ZNF763: variants seen among roughly 807,000 people sequenced by gnomAD.
ZNF763 encodes the protein DNA-binding protein.
Under a neutral mutation model 38.0 loss-of-function variants are expected in ZNF763, and 33 were observed. The observed-to-expected ratio is 0.87, with a 90% CI of 0.66 to 1.16. The LOEUF (loss-of-function observed/expected upper bound fraction) is 1.16, where lower values mean the gene tolerates loss of function less well. Ranked by LOEUF, ZNF763 falls within the 50% of genes most tolerant of loss-of-function variation. ZNF763 has a pLI of 0.00. For synonymous variants in ZNF763, 155 were observed against 160.1 expected, an observed-to-expected ratio of 0.97 and a Z score of 0.24; for missense variants, 423 against 469.1, an observed-to-expected ratio of 0.90 and a Z score of 0.91.
chr19:11,979,100 G>A lies in ZNF763; in HGVS notation c.1176G>A (p.Lys392=), dbSNP rs368604449. The change falls in exon 4 of 4, where the codon AAG becomes AAA. Residue 392 remains lysine (K), a synonymous_variant. Transcript: ENST00000358987. ...SNTPKNALWR[K]TL ...CACCTAAGAATGCGCTCTGGAGAAAGACCTTATAAATGTTAGATATGTGGG... is the reference window on the plus strand; with the variant it reads ...CACCTAAGAATGCGCTCTGGAGAAAAACCTTATAAATGTTAGATATGTGGG... 3 of 1,613,818 alleles carry A rather than the reference G, an allele frequency of 1.9e-6. No homozygotes were observed. The South Asian group carries it at 3.3e-5, about 18-fold the overall frequency.
intron 1 of ZNF763, among the ~76,000 whole-genome samples, chr19:11,974,093 C>T (rs1973413080): frequency 1.1e-5 from 1 of 89,046 alleles, no homozygotes; most frequent in East Asian, 2.8e-4. Flanking sequence ...TTCTTTCTTT[C>T]TTTCTTTCTT....
Position 11,978,787 on chromosome 19 carries a change from A to G in ZNF763, c.863A>G (p.Gln288Arg). 1 of 1,614,156 alleles carries G rather than the reference A, an allele frequency of 6.2e-7. No individual in the cohort carries two copies. Among genetic ancestry groups the G allele is most frequent in the Non-Finnish European group, 8.5e-7 (1 of 1,180,010 alleles). ...GGGGGAAAGCCATATGAATGTAAAC[A>G]ATGTGGCAAATCCTTCAGTTGGTGT... ...HTGGKPYECK[Q>R]CGKSFSWCHS... is the part of the protein sequence containing the mutation. The change falls in exon 4 of 4, where the codon CAA (glutamine) becomes CGA (arginine). Residue 288 changes from glutamine (Q) to arginine (R), a missense_variant. By Grantham distance (43) the Gln-to-Arg change is conservative. Coordinates refer to ENST00000358987, the MANE Select transcript of ZNF763 (RefSeq NM_001367172.2).
At position 11,979,717 on chromosome 19, in the gene ZNF763, T is replaced by C; in HGVS notation, c.*608T>C. 1.9e-6 allele frequency: 3 copies of C among 1,597,694 alleles called. No homozygotes were observed. In the South Asian group the frequency reaches 3.3e-5, roughly 18 times the overall value. ...ACCCTGAAGAGAAGCCCTACGAGTG[T>C]AAGCAATGTGGGAAAGCCTTCAGAT... On this transcript the variant is annotated 3_prime_UTR_variant, in exon 4 of 4. Coordinates refer to ENST00000358987, the MANE Select transcript of ZNF763 (RefSeq NM_001367172.2).
In ZNF763 at chr19:11,979,691, C is replaced by T; in HGVS notation, c.*582C>T. The T allele has an allele frequency of 1.9e-6, 3 of 1,602,374 alleles. No individual in the cohort carries two copies. Among genetic ancestry groups the T allele is most frequent in the Non-Finnish European group, 2.6e-6 (3 of 1,171,702 alleles). ...AATCCTTCAAATGCATGCTGGGACTCACCCTGAAGAGAAGCCCTACGAGTG... is the reference window on the plus strand; with the variant it reads ...AATCCTTCAAATGCATGCTGGGACTTACCCTGAAGAGAAGCCCTACGAGTG... On this transcript the variant is annotated 3_prime_UTR_variant, in exon 4 of 4. Coordinates refer to ENST00000358987, the MANE Select transcript of ZNF763 (RefSeq NM_001367172.2).
chr19:11,980,585 C>G lies in ZNF763; in HGVS notation c.*1476C>G, dbSNP rs1761171591. Among the ~76,000 whole-genome samples, 1 of 152,102 alleles carries G rather than the reference C, an allele frequency of 6.6e-6. No homozygotes were observed. The highest frequency in any genetic ancestry group is 1.5e-5 in the Non-Finnish European group (1 of 68,034). On this transcript the variant is annotated 3_prime_UTR_variant, in exon 4 of 4. Transcript: ENST00000358987. ...TTTTTCAGGTTGGTTTAGTGAGTCA[C>G]AGGAAGCTAATAAATTACAATAATA...
intron 1 of ZNF763, among the ~76,000 whole-genome samples, chr19:11,966,955 C>T (rs1303997897): frequency 1.3e-5 from 2 of 152,142 alleles, no homozygotes; most frequent in Non-Finnish European, 2.9e-5. Flanking sequence ...AAAAGAGGTC[C>T]TCATCAGACC....
At chr19:11,977,981 C>G in intron 3 of ZNF763, 135 bp from the exon 4 acceptor site, 1 of 1,062,796 alleles carries the variant, frequency 9.4e-7, no homozygotes, top group Non-Finnish European at 1.4e-6. Context: ...AACATGTTGT[C>G]CATTTACCTT....
chr19:11,974,105 C>CT (rs762426076), intron 1 of ZNF763, among the ~76,000 whole-genome samples: 6 of 91,660 alleles, frequency 6.5e-5, no homozygotes, highest in South Asian at 3.6e-4. Flanking sequence ...TTCTTTCTTT[C>CT]TTTCTTTCTT....
At position 11,978,811 on chromosome 19, in the gene ZNF763, G is replaced by A. The variant is rs757431847; in HGVS notation, c.887G>A (p.Cys296Tyr). The A allele has an allele frequency of 6.2e-7, 1 of 1,614,042 alleles. No individual in the cohort carries two copies. Among genetic ancestry groups the A allele is most frequent in the Non-Finnish European group, 8.5e-7 (1 of 1,180,000 alleles). Reference sequence around the variant, plus strand: ...CAATGTGGCAAATCCTTCAGTTGGTGTCATTCCTTTCAAATACATGAAAGA... The same window carrying A: ...CAATGTGGCAAATCCTTCAGTTGGTATCATTCCTTTCAAATACATGAAAGA... ...CKQCGKSFSW[C>Y]HSFQIHERTH... The change falls in exon 4 of 4, where the codon TGT becomes TAT. Residue 296 changes from cysteine (C) to tyrosine (Y), a missense_variant. Transcript: ENST00000358987.
intron 1 of ZNF763, among the ~76,000 whole-genome samples, chr19:11,973,991 G>A (rs2044549632): frequency 6.6e-6 from 1 of 152,156 alleles, no homozygotes. Flanking sequence ...GGAAGTGTCA[G>A]TGTTTGGGAT....
chr19:11,972,148 G>C lies in ZNF763; in HGVS notation c.4-4890G>C, dbSNP rs1201359144. 2.0e-5 allele frequency among the ~76,000 whole-genome samples: 3 copies of C among 152,014 alleles called. No individual in the cohort carries two copies. In the East Asian group the frequency reaches 5.8e-4, roughly 29 times the overall value. On this transcript the variant is annotated intron_variant, in intron 1 of 3. Coordinates refer to ENST00000358987, the MANE Select transcript of ZNF763 (RefSeq NM_001367172.2). ...TCAATACAAAAACATACCTGGTCAT[G>C]GTGATGTGTACCTGTAGTCCCAGCT... is the stretch of plus-strand genomic sequence containing the variant.
intron 3 of ZNF763, 107 bp downstream of exon 3, chr19:11,977,538 C>G: frequency 7.4e-7 from 1 of 1,359,042 alleles, no homozygotes; most frequent in South Asian, 1.3e-5. Flanking sequence ...AAATTCATCT[C>G]TTCTTAGAAT....
At chr19:11,975,837 T>G (rs914720697) in intron 1 of ZNF763, among the ~76,000 whole-genome samples, 3 of 152,080 alleles carry the variant, frequency 2.0e-5, no homozygotes, top group African/African-American at 7.2e-5. Flanking sequence ...AAATCTATGC[T>G]TATTACACCT....
At chr19:11,970,333 C>T (rs78358458) in intron 1 of ZNF763, among the ~76,000 whole-genome samples, 3,945 of 152,218 alleles carry the variant, frequency 0.026, 147 homozygotes, top group African/African-American at 0.088. Context: ...TGAGTAAGTC[C>T]CATATGTGAG....
At position 11,977,436 on chromosome 19, in the gene ZNF763, T is replaced by C; in HGVS notation, c.191+5T>C. 1 of 1,613,896 alleles carries C rather than the reference T, an allele frequency of 6.2e-7. No individual in the cohort carries two copies. The highest frequency in any genetic ancestry group is 2.2e-5 in the East Asian group (1 of 44,864). On this transcript the variant is annotated splice_donor_5th_base_variant and intron_variant, in intron 3 of 3. Coordinates refer to ENST00000358987, the MANE Select transcript of ZNF763 (RefSeq NM_001367172.2). Reference sequence around the variant, plus strand: ...AAACCCCAGGAGAAACTTCAGGTAATTGGCACTTAAAGAGAAAGCAGTGTC... The same window carrying C: ...AAACCCCAGGAGAAACTTCAGGTAACTGGCACTTAAAGAGAAAGCAGTGTC...
Position 11,978,182 on chromosome 19 carries a change from G to C in ZNF763, c.258G>C (p.Gln86His). The change falls in exon 4 of 4, where the codon CAG becomes CAC. Residue 86 changes from glutamine (Q) to histidine (H), a missense_variant. Physicochemically the swap from Gln to His is conservative, Grantham distance 24. Coordinates refer to ENST00000358987, the MANE Select transcript of ZNF763 (RefSeq NM_001367172.2). The part of the protein sequence containing the change: ...EDSHCGETFT[Q>H]VPDDRLNFQE... Reference sequence around the variant, plus strand: ...GTCATTGTGGAGAAACTTTTACCCAGGTTCCAGATGACAGGCTGAACTTCC... The same window carrying C: ...GTCATTGTGGAGAAACTTTTACCCACGTTCCAGATGACAGGCTGAACTTCC... 6.2e-7 allele frequency: 1 copy of C among 1,614,026 alleles called. No homozygotes were observed. The highest frequency in any genetic ancestry group is 8.5e-7 in the Non-Finnish European group (1 of 1,179,970).
chr19:11,977,273 A>C (rs1369605288), intron 2 of ZNF763, 98 bp from the exon 3 acceptor site: 29 of 1,603,220 alleles, frequency 1.8e-5, no homozygotes, highest in Non-Finnish European at 2.2e-5. Context: ...TTGATGAATA[A>C]ATGAGGCATG....
chr19:11,973,494 TG>T (rs1282413151), intron 1 of ZNF763, among the ~76,000 whole-genome samples: 1 of 152,162 alleles, frequency 6.6e-6, no homozygotes, highest in African/African-American at 2.4e-5. Flanking sequence ...GGATTCCTCT[TG>T]TGAGCCACCA....
rs534390917 is a variant in ZNF763 at position 11,979,798 on chromosome 19, G to A, written c.*689G>A. Reference sequence around the variant, plus strand: ...CTCACACTGGAGAGAAACCCTATGAGTGTAAGGAATGTGGGAAAGCCTTCA... The same window carrying A: ...CTCACACTGGAGAGAAACCCTATGAATGTAAGGAATGTGGGAAAGCCTTCA... On this transcript the variant is annotated 3_prime_UTR_variant, in exon 4 of 4. Transcript: ENST00000358987. 11 of 1,575,630 alleles carry A rather than the reference G, an allele frequency of 7.0e-6. No homozygotes were observed. The African/African-American group carries it at 8.1e-5, about 12-fold the overall frequency.
Sources: allele counts gnomAD v4.1 joint callset (sites outside exome capture counted in the v4.1 genomes callset), GRCh38; gene constraint gnomAD v4.1.1; transcripts MANE v1.5; gene names NCBI Gene and HGNC (gene_info 2026-07-23, HGNC 2026-07-21).